The following SGK3 variants were observed in gnomAD, a reference collection of about 807,000 sequenced individuals.
The protein encoded by SGK3 is serine/threonine-protein kinase Sgk3.
In SGK3, 47 loss-of-function variants were observed where a neutral mutation model predicts 68.5. That is an observed-to-expected ratio of 0.69 (90% CI 0.54 to 0.87). SGK3 has a LOEUF of 0.87. Ranked by LOEUF, SGK3 falls within the 40% of genes least tolerant of loss-of-function variation. The pLI, the probability that SGK3 is intolerant of heterozygous loss-of-function variation, is 0.00. For synonymous variants in SGK3, 181 were observed against 189.1 expected, an observed-to-expected ratio of 0.96 and a Z score of 0.35; for missense variants, 479 against 575.5, an observed-to-expected ratio of 0.83 and a Z score of 1.72.
chr8:66,723,122 TA>T (rs1563595315), intron 1 of SGK3, among the ~76,000 whole-genome samples: 29 of 56,686 alleles, frequency 5.1e-4, no homozygotes, highest in African/African-American at 9.8e-4. Context: ...TATATATATA[TA>T]TATATATATT....
intron 2 of SGK3, among the ~76,000 whole-genome samples, chr8:66,797,945 C>T (rs924330447): frequency 6.6e-6 from 1 of 151,782 alleles, no homozygotes; most frequent in Non-Finnish European, 1.5e-5. Flanking sequence ...TATTTTGTAA[C>T]ATTTGAAAAA....
At chr8:66,822,038 A>G (rs1199812003) in intron 5 of SGK3, among the ~76,000 whole-genome samples, 3 of 147,562 alleles carry the variant, frequency 2.0e-5, no homozygotes, top group Non-Finnish European at 4.4e-5. Flanking sequence ...AACTTTTGCC[A>G]GGTAACGGAC....
chr8:66,725,971 T>C (rs1251637563), intron 1 of SGK3, among the ~76,000 whole-genome samples: 1 of 152,108 alleles, frequency 6.6e-6, no homozygotes, highest in African/African-American at 2.4e-5. Context: ...CTTATCATCA[T>C]GGTTATAATT....
intron 1 of SGK3, among the ~76,000 whole-genome samples, chr8:66,737,906 G>A (rs1166055485): frequency 2.0e-5 from 3 of 151,776 alleles, no homozygotes; most frequent in East Asian, 1.9e-4. Context: ...ATGAGCCACC[G>A]CACCCAGCCC....
chr8:66,857,632 T>C (rs1810566120), intron 16 of SGK3, among the ~76,000 whole-genome samples: 2 of 151,846 alleles, frequency 1.3e-5, no homozygotes, highest in South Asian at 2.1e-4. Flanking sequence ...AAATAAAAAA[T>C]AAGCCAGGTA....
intron 15 of SGK3, among the ~76,000 whole-genome samples, chr8:66,848,356 G>A (rs183614985): frequency 5.3e-5 from 8 of 152,276 alleles, no homozygotes; most frequent in African/African-American, 1.7e-4. Context: ...CCACTGTCTG[G>A]TAATACTCTT....
At chr8:66,839,284 A>G (rs1809668764) in intron 10 of SGK3, among the ~76,000 whole-genome samples, 1 of 151,510 alleles carries the variant, frequency 6.6e-6, no homozygotes, top group Non-Finnish European at 1.5e-5. Context: ...AAAATTAGGA[A>G]GTATAAGAAA....
At chr8:66,755,403 AC>A (rs1438815809) in intron 1 of SGK3, among the ~76,000 whole-genome samples, 1 of 152,206 alleles carries the variant, frequency 6.6e-6, no homozygotes, top group African/African-American at 2.4e-5. Context: ...TGTGTTGTGC[AC>A]CTGCGTTTTA....
intron 1 of SGK3, among the ~76,000 whole-genome samples, chr8:66,776,538 A>G (rs1806720469): frequency 6.6e-6 from 1 of 152,252 alleles, no homozygotes; most frequent in Non-Finnish European, 1.5e-5. Flanking sequence ...AAATCAGACC[A>G]GCTGGTCTTT....
intron 1 of SGK3, among the ~76,000 whole-genome samples, chr8:66,776,686 T>C (rs1034763336): frequency 1.3e-5 from 2 of 152,260 alleles, no homozygotes; most frequent in African/African-American, 4.8e-5. Flanking sequence ...TATCTTTATC[T>C]TTGACAGTTT....
intron 15 of SGK3, among the ~76,000 whole-genome samples, chr8:66,848,911 T>G (rs959630299): frequency 2.6e-5 from 4 of 152,192 alleles, no homozygotes; most frequent in African/African-American, 9.7e-5. Flanking sequence ...GATACTACTT[T>G]TCCTCAACTT....
intron 4 of SGK3, among the ~76,000 whole-genome samples, chr8:66,812,562 A>G (rs1808420383): frequency 6.9e-6 from 1 of 145,940 alleles, no homozygotes; most frequent in Non-Finnish European, 1.5e-5. Flanking sequence ...TGTCTCAAAG[A>G]AAAAAAAAAA....
chr8:66,716,965 G>T (rs921861987), intron 1 of SGK3, among the ~76,000 whole-genome samples: 1 of 152,064 alleles, frequency 6.6e-6, no homozygotes, highest in East Asian at 1.9e-4. Flanking sequence ...GGAGGCCAAG[G>T]TGGGCAGATC....
intron 16 of SGK3, among the ~76,000 whole-genome samples, chr8:66,855,867 A>G (rs1810487936): frequency 6.6e-6 from 1 of 152,240 alleles, no homozygotes; most frequent in South Asian, 2.1e-4. Flanking sequence ...AGGTGTTCTC[A>G]TACAGTGTTC....
At chr8:66,775,362 G>T (rs1358678188) in intron 1 of SGK3, 1 of 152,346 alleles carries the variant, frequency 6.6e-6, no homozygotes, top group African/African-American at 2.4e-5. Context: ...AACCCTTGGC[G>T]GAGAACAGCC....
chr8:66,715,898 A>C (rs1458110061), intron 1 of SGK3, among the ~76,000 whole-genome samples: 1 of 152,210 alleles, frequency 6.6e-6, no homozygotes, highest in Non-Finnish European at 1.5e-5. Flanking sequence ...AGAAACCCTT[A>C]ATGAAGCCAG....
intron 1 of SGK3, among the ~76,000 whole-genome samples, chr8:66,726,891 G>A (rs535342230): frequency 2.7e-5 from 4 of 150,880 alleles, no homozygotes; most frequent in Non-Finnish European, 5.9e-5. Flanking sequence ...GTTATCTGCA[G>A]AACTGTCAAA....
At chr8:66,725,406 A>G (rs555366068) in intron 1 of SGK3, among the ~76,000 whole-genome samples, 6 of 151,926 alleles carry the variant, frequency 3.9e-5, no homozygotes, top group Admixed American at 3.3e-4. Flanking sequence ...GTCTCAGAAA[A>G]AAAAAAAAGA....
At chr8:66,739,402 TTTA>T (rs1184568562) in intron 1 of SGK3, among the ~76,000 whole-genome samples, 5 of 152,044 alleles carry the variant, frequency 3.3e-5, no homozygotes, top group African/African-American at 1.2e-4. Flanking sequence ...TATTTATTTA[TTTA>T]TTTTTTGAGA....
Sources: allele counts gnomAD v4.1 joint callset (sites outside exome capture counted in the v4.1 genomes callset), GRCh38; gene constraint gnomAD v4.1.1; transcripts MANE v1.5; gene names NCBI Gene and HGNC (gene_info 2026-07-23, HGNC 2026-07-21).